GNPTAB: variants seen among roughly 807,000 people sequenced by gnomAD.
The protein encoded by GNPTAB is N-acetylglucosamine-1-phosphotransferase subunits alpha/beta.
GNPTAB carries 92 observed loss-of-function variants against 136.6 expected under a neutral mutation model. The observed-to-expected ratio is 0.67, with a 90% CI of 0.57 to 0.80. The LOEUF (loss-of-function observed/expected upper bound fraction) is 0.80, where lower values mean the gene tolerates loss of function less well. Ranked by LOEUF, GNPTAB falls within the 30% of genes least tolerant of loss-of-function variation. GNPTAB has a pLI of 0.00. For missense variants in GNPTAB, 1,343 were observed against 1,501.8 expected, an observed-to-expected ratio of 0.89 and a Z score of 1.75; for synonymous variants, 512 against 535.1, an observed-to-expected ratio of 0.96 and a Z score of 0.60.
rs1870702345 is a variant in GNPTAB at position 101,819,702 on chromosome 12, C to A, written c.117+10857G>T. 3.9e-5 allele frequency among the ~76,000 whole-genome samples: 6 copies of A among 152,296 alleles called. 1 individual carries two copies. In the South Asian group the frequency reaches 1.2e-3, roughly 32 times the overall value. ...TGTGTAATTTAGTATGCATACGAAT[C>A]ACACATAGGCTGACTAATCAACTGC... On this transcript the variant is annotated intron_variant, in intron 1 of 20. Transcript: ENST00000299314.
chr12:101,762,499 T>C (rs1300717749), intron 13 of GNPTAB, among the ~76,000 whole-genome samples: 1 of 152,180 alleles, frequency 6.6e-6, no homozygotes, highest in African/African-American at 2.4e-5. Context: ...TAAAACTCAC[T>C]GAAATGTAAG....
At chr12:101,749,695 C>T (rs1440575211) in intron 19 of GNPTAB, among the ~76,000 whole-genome samples, 2 of 152,206 alleles carry the variant, frequency 1.3e-5, no homozygotes, top group Non-Finnish European at 2.9e-5. Context: ...GACAGTGCCA[C>T]AGAGATGGTG....
At chr12:101,796,989 G>C (rs1869331091) in intron 1 of GNPTAB, among the ~76,000 whole-genome samples, 1 of 152,148 alleles carries the variant, frequency 6.6e-6, no homozygotes, top group South Asian at 2.1e-4. Flanking sequence ...CTTGGAATGG[G>C]GTAGCGGAAT....
chr12:101,799,728 A>T (rs58546699), intron 1 of GNPTAB, among the ~76,000 whole-genome samples: 4 of 151,770 alleles, frequency 2.6e-5, no homozygotes, highest in African/African-American at 9.7e-5. Context: ...CTTGCCAGTA[A>T]GTACTTCTAT....
chr12:101,803,430 T>C (rs1869753777), intron 1 of GNPTAB, among the ~76,000 whole-genome samples: 1 of 152,218 alleles, frequency 6.6e-6, no homozygotes, highest in Non-Finnish European at 1.5e-5. Context: ...ATTTTCCTGA[T>C]GCAAAGTGGC....
intron 1 of GNPTAB, among the ~76,000 whole-genome samples, chr12:101,824,845 T>C (rs994647430): frequency 1.3e-5 from 2 of 152,196 alleles, no homozygotes; most frequent in African/African-American, 4.8e-5. Flanking sequence ...TGCAACCTAG[T>C]GCTGTTAACT....
intron 1 of GNPTAB, among the ~76,000 whole-genome samples, chr12:101,800,559 G>A (rs1869557185): frequency 8.1e-6 from 1 of 122,798 alleles, no homozygotes; most frequent in African/African-American, 3.2e-5. Flanking sequence ...AGGAGTTCAA[G>A]ATCAGCCTAG....
At chr12:101,798,123 A>G (rs1653094941) in intron 1 of GNPTAB, among the ~76,000 whole-genome samples, 2 of 152,086 alleles carry the variant, frequency 1.3e-5, no homozygotes, top group South Asian at 2.1e-4. Flanking sequence ...TGGCCTTACC[A>G]AGGCCCCCAC....
At chr12:101,820,156 AACT>A (rs960417409) in intron 1 of GNPTAB, among the ~76,000 whole-genome samples, 33 of 152,234 alleles carry the variant, frequency 2.2e-4, no homozygotes, top group African/African-American at 7.2e-4. Context: ...ACCTCACTTA[AACT>A]ACTCTTCCTA....
chr12:101,759,428 A>C (rs1594209289), intron 16 of GNPTAB, among the ~76,000 whole-genome samples: 1 of 152,016 alleles, frequency 6.6e-6, no homozygotes, highest in Admixed American at 6.6e-5. Context: ...TTAAAAAAAA[A>C]AAAAAAGAAT....
intron 1 of GNPTAB, among the ~76,000 whole-genome samples, chr12:101,823,609 C>CAAAAAAAAAAAAAAAAAAAAAAAAAAAAA: frequency 1.1e-5 from 1 of 91,350 alleles, no homozygotes; most frequent in Non-Finnish European, 2.2e-5. Flanking sequence ...GACTCCGTCT[C>CAAAAAAAAAAAAAAAAAAAAAAAAAAAAA]AAAAAAAAAA....
chr12:101,803,039 G>C (rs1024498187), intron 1 of GNPTAB, among the ~76,000 whole-genome samples: 1 of 151,814 alleles, frequency 6.6e-6, no homozygotes, highest in Admixed American at 6.6e-5. Flanking sequence ...AATCTCCAGG[G>C]AATTAGGCTG....
intron 4 of GNPTAB, among the ~76,000 whole-genome samples, chr12:101,788,086 C>T (rs1034502119): frequency 1.3e-5 from 2 of 152,076 alleles, no homozygotes; most frequent in African/African-American, 4.8e-5. Context: ...TGACTCAAGT[C>T]GAGATAGGTG....
At chr12:101,804,265 T>C (rs1869812585) in intron 1 of GNPTAB, among the ~76,000 whole-genome samples, 1 of 151,092 alleles carries the variant, frequency 6.6e-6, no homozygotes, top group Non-Finnish European at 1.5e-5. Flanking sequence ...TGCACTCTAC[T>C]ATATAAAAGT....
chr12:101,803,201 A>G lies in GNPTAB; in HGVS notation c.118-6439T>C, dbSNP rs138038220. Among the ~76,000 whole-genome samples, 826 of 152,346 alleles carry G rather than the reference A, an allele frequency of 5.4e-3. 13 individuals carry two copies. In the Middle Eastern group the frequency reaches 0.058, roughly 11 times the overall value. ...CTTCCCTCCAACAAGGGAAAAAGAA[A>G]AGATAAATGTACCATGTTCCTAGAT... On this transcript the variant is annotated intron_variant, in intron 1 of 20. Transcript: ENST00000299314.
At chr12:101,763,519 C>T (rs1178649618) in intron 13 of GNPTAB, among the ~76,000 whole-genome samples, 1 of 152,138 alleles carries the variant, frequency 6.6e-6, no homozygotes, top group Admixed American at 6.5e-5. Context: ...CTTCTGTATG[C>T]CTTCCCTAGT....
chr12:101,764,253 G>C lies in GNPTAB; in HGVS notation c.2664C>G (p.Tyr888Ter), dbSNP rs281864998. 1.2e-6 allele frequency: 2 copies of C among 1,614,096 alleles called. No homozygotes were observed. ...GRKLQHYTDS[Y>*]LGFLPWEKKK... ...TTTTCTCCCATGGCAAAAAGCCCAA[G>C]TAACTATCTGTGTAATGCTGCAGCT... Residue 888 changes from tyrosine to a stop codon, truncating the protein, a stop_gained, in exon 13 of 21, where the codon TAC becomes TAG. Coordinates refer to ENST00000299314, the MANE Select transcript of GNPTAB (RefSeq NM_024312.5). LOFTEE classifies it high-confidence loss of function.
intron 16 of GNPTAB, 41 bp from the exon 17 acceptor site, chr12:101,757,698 T>C: frequency 1.0e-6 from 1 of 962,874 alleles, no homozygotes; most frequent in Non-Finnish European, 1.7e-6. Context: ...ACATCAGAGC[T>C]GAAACTAGGG....
At position 101,796,252 on chromosome 12, in the gene GNPTAB, A is replaced by C. The variant is rs1869276764; in HGVS notation, c.203+425T>G. 6 of 702,468 alleles carry C rather than the reference A, an allele frequency of 8.5e-6. No homozygotes were observed. The East Asian group carries it at 1.6e-4, about 19-fold the overall frequency. The allele number at this position is 702,468 out of a possible 1,614,324, so 43.5% of individuals were successfully genotyped here. ...CCTACAGGGGGATGAAATTCCCTTTACCTCACAGACCTGGGGAGACAGAAA... is the reference window on the plus strand; with the variant it reads ...CCTACAGGGGGATGAAATTCCCTTTCCCTCACAGACCTGGGGAGACAGAAA... On this transcript the variant is annotated intron_variant, in intron 2 of 20. Coordinates refer to ENST00000299314, the MANE Select transcript of GNPTAB (RefSeq NM_024312.5).
Sources: gnomAD v4.1 joint callset for allele counts (sites outside exome capture counted in the v4.1 genomes callset) on GRCh38, gnomAD v4.1.1 for gene constraint, MANE v1.5 for transcripts, NCBI Gene and HGNC (gene_info 2026-07-23, HGNC 2026-07-21) for gene names.